HMCN1: variants seen among roughly 807,000 people sequenced by gnomAD.
HMCN1 encodes hemicentin-1.
A neutral mutation model predicts 625.9 loss-of-function variants in HMCN1; 321 were observed. The observed-to-expected ratio is 0.51, with a 90% CI of 0.47 to 0.56. The LOEUF is 0.56. Ranked by LOEUF, HMCN1 falls within the 20% of genes least tolerant of loss-of-function variation. HMCN1 has a pLI of 0.00. For synonymous variants in HMCN1, 2,425 were observed against 2,417.6 expected (o/e 1.00, Z -0.09); for missense variants, 6,588 against 6,887.3 (o/e 0.96, Z 1.54).
chr1:186,186,483 C>T (rs138721883), intron 105 of HMCN1, among the ~76,000 whole-genome samples: 1,629 of 152,274 alleles, frequency 0.011, 10 homozygotes, highest in Middle Eastern at 0.048. Context: ...GCTGAGATTG[C>T]ACCACTACAC....
intron 1 of HMCN1, among the ~76,000 whole-genome samples, chr1:185,783,160 C>T (rs945937711): frequency 7.9e-5 from 12 of 152,116 alleles, no homozygotes; most frequent in Non-Finnish European, 1.2e-4. Flanking sequence ...CTTGTGCATT[C>T]GTCACGTAGT....
intron 30 of HMCN1, among the ~76,000 whole-genome samples, chr1:186,013,229 T>TATAATA: frequency 6.6e-6 from 1 of 152,320 alleles, no homozygotes; most frequent in Non-Finnish European, 1.5e-5. Context: ...AAAACTCTAT[T>TATAATA]GACACTAAAG....
chr1:186,125,850 T>C (rs1044445212), intron 82 of HMCN1, 56 bp downstream of exon 82: 23 of 1,328,138 alleles, frequency 1.7e-5, no homozygotes, highest in Non-Finnish European at 2.5e-5. Flanking sequence ...TTTGCCATCA[T>C]ACTTTTAGTA....
chr1:185,752,127 T>A (rs527931713), intron 1 of HMCN1, among the ~76,000 whole-genome samples: 110 of 152,158 alleles, frequency 7.2e-4, no homozygotes, highest in Non-Finnish European at 1.3e-3. Flanking sequence ...ATTTTTGGGC[T>A]TTGGATTCCG....
At chr1:185,911,100 G>C (rs2102454062) in intron 5 of HMCN1, among the ~76,000 whole-genome samples, 1 of 152,200 alleles carries the variant, frequency 6.6e-6, no homozygotes, top group African/African-American at 2.4e-5. Context: ...TGCTTCATGG[G>C]AAACCGGTTA....
chr1:186,026,952 C>T (rs576478495), intron 36 of HMCN1, among the ~76,000 whole-genome samples: 5 of 152,048 alleles, frequency 3.3e-5, no homozygotes, highest in African/African-American at 1.2e-4. Context: ...TTTTTTTAAT[C>T]TCAATCTTTA....
At chr1:185,982,113 C>A (rs1651681678) in intron 17 of HMCN1, 149 bp from the exon 18 acceptor site, 2 of 811,538 alleles carry the variant, frequency 2.5e-6, no homozygotes, top group Non-Finnish European at 4.3e-6. Context: ...TTTTTACTTT[C>A]AAAATCATAC....
chr1:186,067,688 T>C, intron 49 of HMCN1, 146 bp from the exon 50 acceptor site: 2 of 602,974 alleles, frequency 3.3e-6, no homozygotes, highest in Middle Eastern at 4.6e-4. Context: ...ATCACTCTTT[T>C]GTGTAAAATA....
At chr1:185,855,107 G>A (rs1460822644) in intron 2 of HMCN1, among the ~76,000 whole-genome samples, 1 of 152,148 alleles carries the variant, frequency 6.6e-6, no homozygotes, top group Non-Finnish European at 1.5e-5. Flanking sequence ...TAGGTATGGT[G>A]AATGCTTCCT....
intron 51 of HMCN1, 35 bp from the exon 52 acceptor site, chr1:186,070,576 AC>A: frequency 6.4e-7 from 1 of 1,572,256 alleles, no homozygotes; most frequent in Non-Finnish European, 8.8e-7. Context: ...ATTGAAAATA[AC>A]CAATGTCTAA....
At chr1:185,871,489 T>C (rs1663619078) in intron 4 of HMCN1, among the ~76,000 whole-genome samples, 1 of 152,224 alleles carries the variant, frequency 6.6e-6, no homozygotes, top group Non-Finnish European at 1.5e-5. Context: ...AACATATCGA[T>C]AAATATTAAC....
intron 80 of HMCN1, among the ~76,000 whole-genome samples, chr1:186,121,061 C>A (rs1294824048): frequency 6.6e-6 from 1 of 152,076 alleles, no homozygotes; most frequent in Non-Finnish European, 1.5e-5. Context: ...CTAGGATAAG[C>A]CATGGGCAGG....
intron 1 of HMCN1, among the ~76,000 whole-genome samples, chr1:185,840,421 T>G (rs1180111807): frequency 1.3e-5 from 2 of 152,200 alleles, no homozygotes; most frequent in East Asian, 3.8e-4. Context: ...GAGGGACATG[T>G]TGACTTTCAG....
intron 36 of HMCN1, among the ~76,000 whole-genome samples, chr1:186,032,803 A>G (rs1426320127): frequency 6.6e-6 from 1 of 152,112 alleles, no homozygotes; most frequent in Non-Finnish European, 1.5e-5. Flanking sequence ...GAACACTTTA[A>G]CACTGCTGGT....
chr1:185,793,298 A>G (rs1658128961), intron 1 of HMCN1, among the ~76,000 whole-genome samples: 1 of 152,190 alleles, frequency 6.6e-6, no homozygotes, highest in Admixed American at 6.5e-5. Flanking sequence ...GGGTAAATCC[A>G]TGTCCTTGCC....
chr1:185,905,190 A>T (rs562234784), intron 4 of HMCN1, among the ~76,000 whole-genome samples: 2 of 151,836 alleles, frequency 1.3e-5, no homozygotes, highest in East Asian at 3.9e-4. Context: ...GCACACATTT[A>T]ACTCCAGGGA....
chr1:186,056,736 G>T (rs577484350), intron 45 of HMCN1, among the ~76,000 whole-genome samples: 7 of 151,836 alleles, frequency 4.6e-5, no homozygotes, highest in Non-Finnish European at 1.0e-4. Context: ...AGACACTGGG[G>T]ACTACTGAAG....
Position 185,958,912 on chromosome 1 carries a change from C to T in HMCN1, c.1829-3606C>T, listed in dbSNP as rs532991615. On this transcript the variant is annotated intron_variant, in intron 11 of 106. Coordinates refer to ENST00000271588, the MANE Select transcript of HMCN1 (RefSeq NM_031935.3). ...GTAATAGGCACTGACGGAAGGAAAG[C>T]ACCACTTTCCTATTTCAATGAACTG... Among the ~76,000 whole-genome samples the T allele has an allele frequency of 2.0e-5, 3 of 152,256 alleles. No individual in the cohort carries two copies. In the South Asian group the frequency reaches 6.2e-4, roughly 32 times the overall value.
chr1:186,088,426 T>G, intron 62 of HMCN1, 150 bp downstream of exon 62: 1 of 1,385,044 alleles, frequency 7.2e-7, no homozygotes, highest in Non-Finnish European at 9.9e-7. Flanking sequence ...ATTTACAAAA[T>G]AGACTCATTG....
Sources: allele counts gnomAD v4.1 joint callset (sites outside exome capture counted in the v4.1 genomes callset), GRCh38; gene constraint gnomAD v4.1.1; transcripts MANE v1.5; gene names NCBI Gene and HGNC (gene_info 2026-07-23, HGNC 2026-07-21).